PPA2: variants seen among roughly 807,000 people sequenced by gnomAD.
PPA2 encodes inorganic pyrophosphatase 2, mitochondrial.
In PPA2, 48 loss-of-function variants were observed where a neutral mutation model predicts 49.5. That is an observed-to-expected ratio of 0.97 (90% CI 0.77 to 1.23). The LOEUF is 1.23. Ranked by LOEUF, PPA2 falls within the 50% of genes most tolerant of loss-of-function variation. PPA2 has a pLI of 0.00. For missense variants in PPA2, 429 were observed against 410.1 expected (o/e 1.05, Z -0.40); for synonymous variants, 131 against 139.9 (o/e 0.94, Z 0.45).
chr4:105,386,210 C>A (rs572803681), intron 10 of PPA2, among the ~76,000 whole-genome samples: 3 of 151,930 alleles, frequency 2.0e-5, no homozygotes, highest in Non-Finnish European at 4.4e-5. Context: ...TGGAACTGTG[C>A]CAATAGCCAG....
At chr4:105,372,836 G>A (rs2110358287) in intron 10 of PPA2, among the ~76,000 whole-genome samples, 1 of 152,268 alleles carries the variant, frequency 6.6e-6, no homozygotes, top group East Asian at 1.9e-4. Flanking sequence ...AATTGGTTCT[G>A]ACTCTCTGGA....
At chr4:105,450,624 T>TTTTTTTC (rs1722633612) in intron 3 of PPA2, among the ~76,000 whole-genome samples, 1 of 93,180 alleles carries the variant, frequency 1.1e-5, no homozygotes, top group African/African-American at 4.0e-5. Context: ...TTTTTTTTTT[T>TTTTTTTC]TGAGACGGAG....
At chr4:105,419,323 A>C (rs1326588056) in intron 7 of PPA2, among the ~76,000 whole-genome samples, 2 of 152,022 alleles carry the variant, frequency 1.3e-5, no homozygotes, top group East Asian at 3.8e-4. Flanking sequence ...CCACCCCACA[A>C]CAGGCCCCGG....
chr4:105,408,777 C>T (rs527896397), intron 7 of PPA2, among the ~76,000 whole-genome samples: 59 of 152,054 alleles, frequency 3.9e-4, no homozygotes, highest in African/African-American at 8.9e-4. Context: ...TCAGACTGTG[C>T]TAAAAGATAT....
Position 105,438,036 on chromosome 4 carries a change from T to A in PPA2, c.442A>T (p.Thr148Ser), listed in dbSNP as rs1187924642. 3.1e-6 allele frequency: 5 copies of A among 1,595,734 alleles called. No homozygotes were observed. The highest frequency in any genetic ancestry group is 4.3e-6 in the Non-Finnish European group (5 of 1,174,720). ...TCTTTTTCATGGGGATCTTCCCAAG[T>A]CTAAAATTTTTTTTTTAAAAAAAAG... ...YIWNYGTLPQ[T>S]WEDPHEKDKS... The change falls in exon 6 of 12, where the codon ACT becomes TCT. Residue 148 changes from threonine to serine, a missense_variant and splice_region_variant. Thr to Ser is a moderately conservative substitution (Grantham distance 58). Coordinates refer to ENST00000341695, the MANE Select transcript of PPA2 (RefSeq NM_176869.3).
chr4:105,460,913 T>C (rs1578885244), intron 1 of PPA2, among the ~76,000 whole-genome samples: 1 of 150,396 alleles, frequency 6.6e-6, no homozygotes, highest in East Asian at 1.9e-4. Context: ...TACAAATGAG[T>C]GAATGGTCTG....
intron 2 of PPA2, chr4:105,453,853 A>G (rs971024317): frequency 5.1e-6 from 2 of 394,870 alleles, no homozygotes; most frequent in African/African-American, 2.1e-5. Flanking sequence ...CATAAAATAA[A>G]TGATCAGAAA....
chr4:105,380,421 C>T (rs1733441732), intron 10 of PPA2, among the ~76,000 whole-genome samples: 1 of 152,102 alleles, frequency 6.6e-6, no homozygotes, highest in Non-Finnish European at 1.5e-5. Context: ...CCAGTTTTAC[C>T]ATCTTCTCAA....
chr4:105,382,918 T>C (rs528631155), intron 10 of PPA2, among the ~76,000 whole-genome samples: 3 of 152,224 alleles, frequency 2.0e-5, no homozygotes, highest in East Asian at 1.9e-4. Flanking sequence ...GGAGGATCAA[T>C]TGAGCTCAGG....
chr4:105,430,398 C>T (rs1242925987), intron 6 of PPA2, among the ~76,000 whole-genome samples: 4 of 152,174 alleles, frequency 2.6e-5, no homozygotes, highest in African/African-American at 7.2e-5. Flanking sequence ...ACATGTTTAG[C>T]CTCTATTAAG....
intron 7 of PPA2, among the ~76,000 whole-genome samples, chr4:105,419,788 AAAC>A (rs1365862629): frequency 1.3e-5 from 2 of 152,202 alleles, no homozygotes; most frequent in Non-Finnish European, 2.9e-5. Flanking sequence ...TCACAAATTA[AAAC>A]AACCCCAAAA....
At chr4:105,447,203 T>TG (rs1722425061) in intron 4 of PPA2, among the ~76,000 whole-genome samples, 1 of 152,188 alleles carries the variant, frequency 6.6e-6, no homozygotes, top group Admixed American at 6.5e-5. Context: ...AAATAGCACT[T>TG]GGCCTTAAAA....
chr4:105,376,562 G>T (rs1476813580), intron 10 of PPA2, among the ~76,000 whole-genome samples: 4 of 152,090 alleles, frequency 2.6e-5, no homozygotes, highest in African/African-American at 9.7e-5. Context: ...TCAGACTGAG[G>T]GTGCTGAGAC....
At chr4:105,451,243 T>C (rs1480403571) in intron 3 of PPA2, among the ~76,000 whole-genome samples, 1 of 152,224 alleles carries the variant, frequency 6.6e-6, no homozygotes, top group Non-Finnish European at 1.5e-5. Flanking sequence ...ACAGAGGTTT[T>C]CTAGTGTAAC....
intron 4 of PPA2, 139 bp downstream of exon 4, chr4:105,449,211 C>G: frequency 7.0e-6 from 2 of 286,222 alleles, no homozygotes; most frequent in Non-Finnish European, 1.1e-5. Context: ...AGCGAGACTC[C>G]GTCTCAAAAA....
intron 5 of PPA2, among the ~76,000 whole-genome samples, chr4:105,441,668 C>T (rs939446378): frequency 2.6e-5 from 4 of 151,810 alleles, no homozygotes; most frequent in African/African-American, 2.4e-5. Context: ...TTAGCATGGA[C>T]CCAAGAAAGC....
chr4:105,377,226 A>C (rs892127743), intron 10 of PPA2, among the ~76,000 whole-genome samples: 16 of 152,308 alleles, frequency 1.1e-4, no homozygotes, highest in African/African-American at 2.2e-4. Flanking sequence ...TCATCATTAG[A>C]AGTATTGGAA....
intron 10 of PPA2, among the ~76,000 whole-genome samples, chr4:105,378,579 A>T (rs1026921794): frequency 6.6e-6 from 1 of 152,110 alleles, no homozygotes; most frequent in Non-Finnish European, 1.5e-5. Flanking sequence ...TAGAACAAAA[A>T]TTTTTTATTT....
intron 6 of PPA2, among the ~76,000 whole-genome samples, chr4:105,436,038 G>A (rs535331247): frequency 6.6e-6 from 1 of 152,208 alleles, no homozygotes; most frequent in South Asian, 2.1e-4. Context: ...CTAATGACAT[G>A]ATAGTGTAGC....
Sources: gnomAD v4.1 joint callset for allele counts (sites outside exome capture counted in the v4.1 genomes callset) on GRCh38, gnomAD v4.1.1 for gene constraint, MANE v1.5 for transcripts, NCBI Gene and HGNC (gene_info 2026-07-23, HGNC 2026-07-21) for gene names.